Variants in SORBS2 observed in about 807,000 individuals in gnomAD.
SORBS2 encodes the protein sorbin and SH3 domain containing 2.
Under a neutral mutation model 97.7 loss-of-function variants are expected in SORBS2, and 46 were observed. The ratio of observed to expected loss-of-function variants is 0.47; its 90% CI spans 0.37 to 0.60. The LOEUF (loss-of-function observed/expected upper bound fraction) is 0.60. SORBS2 is among the 20% of genes least tolerant of loss of function. The pLI, the probability that SORBS2 is intolerant of heterozygous loss-of-function variation, is 0.00. For synonymous variants in SORBS2, 476 were observed against 473.4 expected (o/e 1.01, Z -0.07); for missense variants, 1,316 against 1,282.3 (o/e 1.03, Z -0.40).
chr4:185,760,277 A>G (rs765798072), intron 2 of SORBS2, among the ~76,000 whole-genome samples: 41 of 152,362 alleles, frequency 2.7e-4, no homozygotes, highest in Non-Finnish European at 4.3e-4. Context: ...TGTGGCTGGC[A>G]TTACAGCCAT....
intron 4 of SORBS2, chr4:185,638,990 G>A: frequency 1.3e-6 from 2 of 1,524,072 alleles, no homozygotes; most frequent in Non-Finnish European, 1.8e-6. Context: ...AGAGGCTTCC[G>A]GCCAGGTTCC....
chr4:185,769,110 A>AC (rs59600337), intron 2 of SORBS2, among the ~76,000 whole-genome samples: 116,790 of 151,540 alleles, frequency 0.77, 45,420 homozygotes, highest in African/African-American at 0.86. Flanking sequence ...CCTTAGCATG[A>AC]AGGTGTAAGT....
intron 1 of SORBS2, among the ~76,000 whole-genome samples, chr4:185,872,613 A>G (rs1336329693): frequency 6.6e-6 from 1 of 152,244 alleles, no homozygotes; most frequent in African/African-American, 2.4e-5. Context: ...AAAGGCCACA[A>G]GAAATTGCTT....
At chr4:185,797,534 G>A (rs1251313933) in intron 1 of SORBS2, among the ~76,000 whole-genome samples, 1 of 152,122 alleles carries the variant, frequency 6.6e-6, no homozygotes, top group Non-Finnish European at 1.5e-5. Context: ...GACAAAAATA[G>A]GCATGGGTGG....
chr4:185,747,871 A>G (rs1343497908), intron 2 of SORBS2, among the ~76,000 whole-genome samples: 1 of 152,008 alleles, frequency 6.6e-6, no homozygotes, highest in Non-Finnish European at 1.5e-5. Flanking sequence ...GGCGCCGGTA[A>G]TCCCAGCTAC....
chr4:185,945,057 G>C (rs184014939), intron 1 of SORBS2, among the ~76,000 whole-genome samples: 5 of 152,298 alleles, frequency 3.3e-5, no homozygotes, highest in Non-Finnish European at 5.9e-5. Flanking sequence ...ACTATGCAAC[G>C]TGCTCATATA....
intron 4 of SORBS2, among the ~76,000 whole-genome samples, chr4:185,640,667 G>T (rs1304223709): frequency 2.0e-5 from 3 of 152,028 alleles, no homozygotes; most frequent in Non-Finnish European, 4.4e-5. Context: ...TATTAATTGA[G>T]ATTTTAATGT....
At chr4:185,756,370 C>A (rs1452493009) in intron 2 of SORBS2, among the ~76,000 whole-genome samples, 1 of 144,138 alleles carries the variant, frequency 6.9e-6, no homozygotes, top group Non-Finnish European at 1.6e-5. Context: ...AACACGAAGG[C>A]AGTCAATTTG....
chr4:185,785,538 G>T (rs1477021963), intron 1 of SORBS2, among the ~76,000 whole-genome samples: 1 of 152,148 alleles, frequency 6.6e-6, no homozygotes, highest in Admixed American at 6.5e-5. Context: ...GATGGAGAGC[G>T]TGGTCTGTAC....
At position 185,713,404 on chromosome 4, in the gene SORBS2, C is replaced by A. The variant is rs942342227; in HGVS notation, c.-197-34582G>T. On this transcript the variant is annotated intron_variant, in intron 2 of 20. Coordinates refer to the SORBS2 transcript ENST00000284776. Reference sequence around the variant, plus strand: ...ACACTTCTTATCACCTCTCATCTTACGTGTTTGCTTTTTATCTCTTTCCCA... The same window carrying A: ...ACACTTCTTATCACCTCTCATCTTAAGTGTTTGCTTTTTATCTCTTTCCCA... Among the ~76,000 whole-genome samples, 4 of 152,144 alleles carry A rather than the reference C, an allele frequency of 2.6e-5. No homozygotes were observed. The East Asian group carries it at 7.7e-4, about 29-fold the overall frequency.
At chr4:185,788,047 T>C (rs1326787182) in intron 1 of SORBS2, among the ~76,000 whole-genome samples, 1 of 152,160 alleles carries the variant, frequency 6.6e-6, no homozygotes, top group Non-Finnish European at 1.5e-5. Context: ...AGATCTGAGA[T>C]GGGAGAGGGC....
At chr4:185,796,147 C>A (rs1307963070) in intron 1 of SORBS2, among the ~76,000 whole-genome samples, 2 of 152,146 alleles carry the variant, frequency 1.3e-5, no homozygotes, top group Non-Finnish European at 2.9e-5. Flanking sequence ...CTCAAGTAAT[C>A]CTCCTGCCTC....
intron 4 of SORBS2, among the ~76,000 whole-genome samples, chr4:185,671,093 C>T (rs1157128382): frequency 2.0e-5 from 3 of 152,106 alleles, no homozygotes; most frequent in African/African-American, 7.2e-5. Context: ...GCCCCGTTTC[C>T]CTAAGGCCTG....
At chr4:185,827,995 C>G (rs1426194513) in intron 1 of SORBS2, among the ~76,000 whole-genome samples, 1 of 27,968 alleles carries the variant, frequency 3.6e-5, no homozygotes, top group African/African-American at 1.1e-4. Flanking sequence ...TCATCATCAT[C>G]ACCATCATCA....
chr4:185,666,193 T>C, intron 4 of SORBS2: 1 of 1,288,768 alleles, frequency 7.8e-7, no homozygotes, highest in South Asian at 1.2e-5. Flanking sequence ...GGCAGGTAAG[T>C]TCTGATTTCC....
At position 185,623,805 on chromosome 4, in the gene SORBS2, G is replaced by T; in HGVS notation, c.1324C>A (p.Pro442Thr). The change falls in exon 7 of 15, where the codon CCA becomes ACA. Residue 442 changes from proline (P) to threonine (T), a missense_variant. Coordinates refer to ENST00000418609, the Ensembl canonical transcript of SORBS2. The surrounding 1 kb of genome is among the most constrained non-coding windows in gnomAD (Gnocchi z 6.4). ...TTGGGACATAGGCCATTTTGCGGTGGTTCTAGGGTTACGGGAGACAGCATG... is the reference window on the plus strand; with the variant it reads ...TTGGGACATAGGCCATTTTGCGGTGTTTCTAGGGTTACGGGAGACAGCATG... The T allele has an allele frequency of 6.2e-7, 1 of 1,614,186 alleles. No individual in the cohort carries two copies. The highest frequency in any genetic ancestry group is 1.1e-5 in the South Asian group (1 of 91,086).
chr4:185,697,920 A>G (rs926981960), intron 2 of SORBS2, among the ~76,000 whole-genome samples: 3 of 152,206 alleles, frequency 2.0e-5, no homozygotes, highest in Admixed American at 6.5e-5. Flanking sequence ...TAATTTTTAT[A>G]TATTGAAATA....
intron 7 of SORBS2, 86 bp from the exon 20 acceptor site, chr4:185,620,237 C>CT (rs2096697400): frequency 1.2e-6 from 1 of 849,000 alleles, no homozygotes; most frequent in South Asian, 1.4e-5. Flanking sequence ...GTGGCCACTA[C>CT]TTTTTTCCCC....
chr4:185,827,066 T>TTAC (rs2099200385), intron 1 of SORBS2, among the ~76,000 whole-genome samples: 1 of 92,144 alleles, frequency 1.1e-5, no homozygotes, highest in East Asian at 2.4e-4. Context: ...ATCATCATCA[T>TTAC]CACCATCATC....
Sources: allele counts gnomAD v4.1 joint callset (sites outside exome capture counted in the v4.1 genomes callset), GRCh38; gene constraint gnomAD v4.1.1; non-coding constraint Gnocchi (gnomAD v3.1); transcripts MANE v1.5; gene names NCBI Gene and HGNC (gene_info 2026-07-23, HGNC 2026-07-21).